The following DIAPH2 variants were observed in gnomAD, a reference collection of about 807,000 sequenced individuals.
DIAPH2 encodes the protein diaphanous related formin 2, also known as protein diaphanous homolog 2.
DIAPH2 carries 35 observed loss-of-function variants against 92.7 expected under a neutral mutation model. That is an observed-to-expected ratio of 0.38 (90% CI 0.29 to 0.50). The LOEUF is 0.50. Among genes scored for constraint, DIAPH2 ranks in the 20% least tolerant of loss-of-function variants. DIAPH2 has a pLI of 0.94. For synonymous variants in DIAPH2, 301 were observed against 280.4 expected, an observed-to-expected ratio of 1.07 and a Z score of -0.73; for missense variants, 701 against 819.5, an observed-to-expected ratio of 0.86 and a Z score of 1.77.
chrX:97,554,661 C>G (rs1183980545), intron 26 of DIAPH2, among the ~76,000 whole-genome samples: 2 of 111,741 alleles, frequency 1.8e-5, no homozygotes, highest in African/African-American at 3.3e-5. Flanking sequence ...TCAGGAATAC[C>G]TACATTTGAA....
At chrX:97,304,000 T>C (rs180858830) in intron 23 of DIAPH2, among the ~76,000 whole-genome samples, 6 of 111,830 alleles carry the variant, frequency 5.4e-5, no homozygotes, top group Admixed American at 9.6e-5. Context: ...TTCCTGATTA[T>C]AGGAAATCCC....
intron 21 of DIAPH2, among the ~76,000 whole-genome samples, chrX:97,141,441 A>G (rs1343115241): frequency 9.0e-6 from 1 of 111,429 alleles, no homozygotes; most frequent in Non-Finnish European, 1.9e-5. Context: ...ATTTTTGAAA[A>G]TACAGATTAA....
intron 4 of DIAPH2, among the ~76,000 whole-genome samples, chrX:96,818,647 C>T (rs1190777597): frequency 8.9e-6 from 1 of 112,389 alleles, no homozygotes; most frequent in Non-Finnish European, 1.9e-5. Context: ...TTTTATTGGA[C>T]ATATCCATAA....
intron 4 of DIAPH2, among the ~76,000 whole-genome samples, chrX:96,870,594 A>T (rs896750811): frequency 2.7e-5 from 3 of 110,388 alleles, no homozygotes; most frequent in Non-Finnish European, 5.7e-5. Context: ...CCATTTATTC[A>T]TGTGACAATT....
intron 4 of DIAPH2, among the ~76,000 whole-genome samples, chrX:96,868,584 G>C (rs189050014): frequency 9.0e-6 from 1 of 111,585 alleles, no homozygotes; most frequent in Admixed American, 9.5e-5. Flanking sequence ...CCCCCGCATA[G>C]AGTCAAGTCC....
chrX:97,328,786 A>G (rs2068973067), intron 23 of DIAPH2, among the ~76,000 whole-genome samples: 1 of 111,491 alleles, frequency 9.0e-6, no homozygotes, highest in South Asian at 3.7e-4. Flanking sequence ...TATACTTCTT[A>G]TATTTCTAGA....
At chrX:97,589,628 A>G (rs1040123978) in intron 26 of DIAPH2, among the ~76,000 whole-genome samples, 1 of 111,520 alleles carries the variant, frequency 9.0e-6, no homozygotes, top group Non-Finnish European at 1.9e-5. Flanking sequence ...AGTATAAACA[A>G]TGCTGCAAAG....
chrX:97,310,912 G>A (rs2068788499), intron 23 of DIAPH2, among the ~76,000 whole-genome samples: 1 of 111,662 alleles, frequency 9.0e-6, no homozygotes, highest in Non-Finnish European at 1.9e-5. Context: ...GGGAGGCTGG[G>A]GCAAGAGAAT....
At chrX:96,954,174 G>A (rs1007497665) in intron 15 of DIAPH2, 4 of 112,103 alleles carry the variant, frequency 3.6e-5, no homozygotes, top group Non-Finnish European at 7.5e-5. Flanking sequence ...ACTGAGGCCT[G>A]TTGCAAAAAA....
chrX:96,903,702 C>T (rs2065414659), intron 5 of DIAPH2, among the ~76,000 whole-genome samples: 1 of 111,239 alleles, frequency 9.0e-6, no homozygotes, highest in African/African-American at 3.3e-5. Flanking sequence ...GTAATTTTTT[C>T]CTCATCATTA....
intron 24 of DIAPH2, among the ~76,000 whole-genome samples, chrX:97,375,182 G>A (rs976868963): frequency 5.4e-5 from 6 of 111,858 alleles, no homozygotes; most frequent in African/African-American, 1.9e-4. Context: ...TAGGCCAGGT[G>A]TGTTAGCTCA....
chrX:96,799,761 T>C (rs895050328), intron 4 of DIAPH2, among the ~76,000 whole-genome samples: 3 of 110,518 alleles, frequency 2.7e-5, no homozygotes, highest in South Asian at 3.9e-4. Context: ...TGAGCTGAGA[T>C]TGCGCCATTG....
intron 1 of DIAPH2, among the ~76,000 whole-genome samples, chrX:96,686,404 C>T (rs1170881103): frequency 9.2e-6 from 1 of 108,900 alleles, no homozygotes. Flanking sequence ...AAAAAAAAAA[C>T]ACTTATCTCT....
intron 24 of DIAPH2, among the ~76,000 whole-genome samples, chrX:97,383,187 C>T (rs1383922053): frequency 2.7e-5 from 3 of 111,806 alleles, no homozygotes; most frequent in Non-Finnish European, 5.6e-5. Context: ...TATGTTTCAG[C>T]ATTTCTAAAT....
At position 97,405,921 on chromosome X, in the gene DIAPH2, T is replaced by C. The variant is rs2069805655; in HGVS notation, c.3145+21877T>C. ...TGATCATTTTCTGGCTGTGAGATAA[T>C]TTTCTCACAGATTGTTGGCATTGAA... On this transcript the variant is annotated intron_variant, in intron 25 of 26. Coordinates refer to ENST00000324765, the MANE Select transcript of DIAPH2 (RefSeq NM_006729.5). Among the ~76,000 whole-genome samples the C allele has an allele frequency of 2.7e-5, 3 of 111,569 alleles. No homozygotes were observed. The South Asian group carries it at 1.1e-3, about 42-fold the overall frequency.
chrX:97,480,239 G>A (rs1272304592), intron 26 of DIAPH2, among the ~76,000 whole-genome samples: 4 of 111,653 alleles, frequency 3.6e-5, no homozygotes, highest in Non-Finnish European at 7.5e-5. Flanking sequence ...AGAATGCCAC[G>A]TAACTGTGGA....
chrX:97,576,691 T>C lies in DIAPH2; in HGVS notation c.3242-22562T>C, dbSNP rs770748185. Among the ~76,000 whole-genome samples, 25 of 111,336 alleles carry C rather than the reference T, an allele frequency of 2.2e-4. No individual in the cohort carries two copies. In the South Asian group the frequency reaches 9.5e-3, roughly 43 times the overall value. On this transcript the variant is annotated intron_variant, in intron 26 of 26. Transcript: ENST00000324765. ...TTTCAATAGAATTTCACTCTACTTG[T>C]TACTAGAGAAAAGAATGAATTTATT...
At chrX:96,833,266 A>G (rs921758326) in intron 4 of DIAPH2, among the ~76,000 whole-genome samples, 2 of 111,608 alleles carry the variant, frequency 1.8e-5, no homozygotes, top group Non-Finnish European at 3.8e-5. Flanking sequence ...AGATATTTGT[A>G]TACAGAAAAT....
chrX:96,874,613 ATGATGG>A (rs1179120667), intron 4 of DIAPH2, among the ~76,000 whole-genome samples: 2 of 111,937 alleles, frequency 1.8e-5, no homozygotes, highest in African/African-American at 6.5e-5. Flanking sequence ...AAATCAGTTA[ATGATGG>A]TTTAGCCTTC....
Sources: allele counts gnomAD v4.1 joint callset (sites outside exome capture counted in the v4.1 genomes callset), GRCh38; gene constraint gnomAD v4.1.1; transcripts MANE v1.5; gene names NCBI Gene and HGNC (gene_info 2026-07-23, HGNC 2026-07-21).